PRMT7: variants seen among roughly 807,000 people sequenced by gnomAD.
The protein encoded by PRMT7 is protein arginine N-methyltransferase 7.
In PRMT7, 75 loss-of-function variants were observed where a neutral mutation model predicts 85.4. The observed-to-expected ratio is 0.88, with a 90% CI of 0.73 to 1.06. PRMT7 has a LOEUF of 1.06. Among genes scored for constraint, PRMT7 ranks in the 50% least tolerant of loss-of-function variants. The pLI is 0.00. For synonymous variants in PRMT7, 397 were observed against 359.5 expected (o/e 1.10, Z -1.18); for missense variants, 868 against 915.2 (o/e 0.95, Z 0.67).
chr16:68,341,942 A>G (rs146577366), intron 9 of PRMT7, among the ~76,000 whole-genome samples: 4 of 152,262 alleles, frequency 2.6e-5, no homozygotes, highest in Non-Finnish European at 4.4e-5. Flanking sequence ...ATGATCTTTC[A>G]TTCAGTTTAA....
chr16:68,343,675 AT>A (rs1456593603), intron 9 of PRMT7, among the ~76,000 whole-genome samples: 1 of 152,152 alleles, frequency 6.6e-6, no homozygotes, highest in Admixed American at 6.5e-5. Context: ...CTTCACATGC[AT>A]TTGCATAGTG....
chr16:68,317,931 G>A (rs541601314), intron 3 of PRMT7, among the ~76,000 whole-genome samples: 2 of 152,162 alleles, frequency 1.3e-5, no homozygotes, highest in Admixed American at 1.3e-4. Flanking sequence ...AAAGTACTAT[G>A]GTAAGAGAGG....
chr16:68,356,349 C>T (rs1348825527), intron 17 of PRMT7, among the ~76,000 whole-genome samples: 5 of 152,352 alleles, frequency 3.3e-5, no homozygotes, highest in South Asian at 2.1e-4. Flanking sequence ...CCAGGCAGGG[C>T]GGGCGCCATC....
chr16:68,329,899 A>G (rs1415857912), intron 6 of PRMT7, among the ~76,000 whole-genome samples: 1 of 150,338 alleles, frequency 6.7e-6, no homozygotes, highest in Admixed American at 6.6e-5. Context: ...ACACACACAC[A>G]TATTTTTTTT....
intron 9 of PRMT7, among the ~76,000 whole-genome samples, chr16:68,341,336 G>A (rs895499616): frequency 3.2e-4 from 49 of 152,170 alleles, no homozygotes; most frequent in East Asian, 1.9e-4. Flanking sequence ...TAATTGACAC[G>A]AAGCCAGCCA....
chr16:68,339,114 A>C (rs2085136057), intron 7 of PRMT7, among the ~76,000 whole-genome samples: 1 of 152,196 alleles, frequency 6.6e-6, no homozygotes, highest in Non-Finnish European at 1.5e-5. Flanking sequence ...TTTTAGGCAC[A>C]GTGTGTGTTC....
Position 68,339,374 on chromosome 16 carries a change from A to G in PRMT7, c.557A>G (p.Glu186Gly). ...GCCACCGTCTATGCACAGCTGGTGG[A>G]GTCCGGGAGGATGTGGTCGTGGAAC... ...HRATVYAQLV[E>G]SGRMWSWNKL... The change falls in exon 8 of 19, where the codon GAG becomes GGG. Residue 186 changes from glutamate to glycine, a missense_variant. Glu to Gly is a moderately conservative substitution (Grantham distance 98). Transcript: ENST00000441236. 1 of 1,614,192 alleles carries G rather than the reference A, an allele frequency of 6.2e-7. No individual in the cohort carries two copies. The highest frequency in any genetic ancestry group is 8.5e-7 in the Non-Finnish European group (1 of 1,180,030).
chr16:68,329,174 G>A lies in PRMT7; in HGVS notation c.391G>A (p.Glu131Lys). The A allele has an allele frequency of 6.3e-7, 1 of 1,578,266 alleles. No individual in the cohort carries two copies. Among genetic ancestry groups the A allele is most frequent in the Non-Finnish European group, 8.7e-7 (1 of 1,147,704 alleles). The change falls in exon 6 of 19, where the codon GAG (glutamate) becomes AAG (lysine). Residue 131 changes from glutamate (E) to lysine (K), a missense_variant and splice_region_variant. Transcript: ENST00000441236. ...KHSTEVTVGP[E>K]GDMPCRANIL... ...TTCCACCGAGGTGACTGTAGGTCCA[G>A]GTGAGATTTACACACCCTGTGTTGA...
At chr16:68,344,007 T>G (rs1706882272) in intron 9 of PRMT7, among the ~76,000 whole-genome samples, 1 of 152,216 alleles carries the variant, frequency 6.6e-6, no homozygotes, top group African/African-American at 2.4e-5. Flanking sequence ...CTTGCTTTAT[T>G]GCTCAGGTTG....
rs1347931310 is a variant in PRMT7 at position 68,353,486 on chromosome 16, TCA to T, written c.1576-3_1576-2del. On this transcript the variant is annotated splice_region_variant and splice_polypyrimidine_tract_variant and intron_variant, in intron 15 of 18. Transcript: ENST00000441236. ...GGGTGTGGACGGGGCTGCTCCTTCC[TCA>T]CAGGACCTGTGGCGGATCCGGAGCC... 6.2e-7 allele frequency: 1 copy of T among 1,610,160 alleles called. No individual in the cohort carries two copies. Among genetic ancestry groups the T allele is most frequent in the South Asian group, 1.1e-5 (1 of 90,188 alleles).
chr16:68,329,432 AT>A, intron 6 of PRMT7: 1 of 292,202 alleles, frequency 3.4e-6, no homozygotes, highest in Non-Finnish European at 6.6e-6. Context: ...CTTTAAGCAA[AT>A]TGGAATTCTT....
At chr16:68,325,840 GA>G (rs1235524724) in intron 5 of PRMT7, among the ~76,000 whole-genome samples, 1 of 152,110 alleles carries the variant, frequency 6.6e-6, no homozygotes, top group African/African-American at 2.4e-5. Flanking sequence ...AGCCCTAACA[GA>G]TTTTGATTTA....
At position 68,356,719 on chromosome 16, in the gene PRMT7, A is replaced by G. The variant is rs1410933458; in HGVS notation, c.1830A>G (p.Ala610=). ...VELRRPGQSH[A]AVLWMEYHLT... ...TTGACAGGCCCGGGCAGAGCCACGC[A>G]GCGGTGCTATGGATGGAGTACCACC... Residue 610 remains alanine (A), a synonymous_variant, in exon 18 of 19, where the codon GCA becomes GCG. Coordinates refer to ENST00000441236, the MANE Select transcript of PRMT7 (RefSeq NM_019023.5). The G allele has an allele frequency of 1.2e-6, 2 of 1,612,062 alleles. No homozygotes were observed. The highest frequency in any genetic ancestry group is 1.7e-6 in the Non-Finnish European group (2 of 1,179,832).
rs557919387 is a variant in PRMT7, at chr16:68,334,742, C to A, written c.392-2717C>A. On this transcript the variant is annotated intron_variant, in intron 6 of 18. Transcript: ENST00000441236. ...TAGCAGTCACACTCAAAATACCAGG[C>A]CCTCAAGAAGTACTTGTTAAAATGC... 1.8e-4 allele frequency among the ~76,000 whole-genome samples: 28 copies of A among 152,212 alleles called. No individual in the cohort carries two copies. The South Asian group carries it at 5.4e-3, about 29-fold the overall frequency.
intron 3 of PRMT7, among the ~76,000 whole-genome samples, chr16:68,320,041 C>G (rs1753336972): frequency 6.6e-6 from 1 of 152,182 alleles, no homozygotes; most frequent in African/African-American, 2.4e-5. Flanking sequence ...GTCACATATA[C>G]AGTGGGTGTA....
intron 3 of PRMT7, among the ~76,000 whole-genome samples, chr16:68,318,108 C>T (rs1387281474): frequency 3.9e-5 from 6 of 152,056 alleles, no homozygotes; most frequent in African/African-American, 1.2e-4. Flanking sequence ...AATACATTAT[C>T]TCACAGTATA....
intron 6 of PRMT7, among the ~76,000 whole-genome samples, chr16:68,332,584 A>G (rs1448321614): frequency 2.0e-5 from 3 of 152,162 alleles, no homozygotes; most frequent in Non-Finnish European, 4.4e-5. Context: ...GGCTTCACAG[A>G]GTATTACCCT....
chr16:68,316,229 G>A (rs2081838317), intron 3 of PRMT7, 155 bp downstream of exon 3: 1 of 633,830 alleles, frequency 1.6e-6, no homozygotes, highest in South Asian at 1.9e-5. Context: ...AGCCAGGTAG[G>A]TATATGTAGC....
intron 7 of PRMT7, 144 bp from the exon 8 acceptor site, chr16:68,339,178 A>G: frequency 9.4e-7 from 1 of 1,063,724 alleles, no homozygotes; most frequent in Non-Finnish European, 1.3e-6. Flanking sequence ...AGGGCTGAAA[A>G]CAGTTCACTA....
Sources: allele counts gnomAD v4.1 joint callset (sites outside exome capture counted in the v4.1 genomes callset), GRCh38; gene constraint gnomAD v4.1.1; transcripts MANE v1.5; gene names NCBI Gene and HGNC (gene_info 2026-07-23, HGNC 2026-07-21).